Variants in NIBAN1 observed in about 807,000 individuals in gnomAD.
NIBAN1 encodes the protein protein Niban 1.
A neutral mutation model predicts 75.1 loss-of-function variants in NIBAN1; 81 were observed. The ratio of observed to expected loss-of-function variants is 1.08; its 90% CI spans 0.90 to 1.30. NIBAN1 has a LOEUF of 1.30. Ranked by LOEUF, NIBAN1 falls within the 50% of genes most tolerant of loss-of-function variation. The probability of loss-of-function intolerance (pLI) is 0.00; values close to 1 mark genes in which losing one functional copy is unlikely to be tolerated. For missense variants in NIBAN1, 1,133 were observed against 1,128.1 expected (o/e 1.00, Z -0.06); for synonymous variants, 436 against 424.8 (o/e 1.03, Z -0.32).
At chr1:184,959,235 G>A (rs373644725) in intron 1 of NIBAN1, among the ~76,000 whole-genome samples, 15 of 152,248 alleles carry the variant, frequency 9.9e-5, no homozygotes, top group South Asian at 6.2e-4. Context: ...AGGCTACTTC[G>A]TTCCTCTCCC....
chr1:184,799,448 G>A, intron 12 of NIBAN1, among the ~76,000 whole-genome samples: 2 of 149,774 alleles, frequency 1.3e-5, no homozygotes, highest in African/African-American at 4.9e-5. Context: ...ATCATTGTTG[G>A]ACATTTGGGT....
In NIBAN1 at chr1:184,890,236, G is replaced by C; in HGVS notation, c.319-14C>G. ...TCTCTGATAGGCCTGGGGAGGGAAA[G>C]GCACACAGGAATGATATCTTTTTCC... On this transcript the variant is annotated splice_polypyrimidine_tract_variant and intron_variant, in intron 3 of 13. Transcript: ENST00000367511. 18 of 1,571,758 alleles carry C rather than the reference G, an allele frequency of 1.1e-5. No homozygotes were observed. Among genetic ancestry groups the C allele is most frequent in the Non-Finnish European group, 1.6e-5 (18 of 1,141,690 alleles).
chr1:184,805,066 G>A (rs1157759464), intron 11 of NIBAN1, among the ~76,000 whole-genome samples: 1 of 152,210 alleles, frequency 6.6e-6, no homozygotes, highest in African/African-American at 2.4e-5. Flanking sequence ...GGGATTACAG[G>A]CGTGAGCCAC....
intron 4 of NIBAN1, among the ~76,000 whole-genome samples, chr1:184,889,727 CTG>C (rs1656616966): frequency 2.0e-5 from 3 of 152,146 alleles, no homozygotes; most frequent in Non-Finnish European, 2.9e-5. Context: ...CAGAGACTGA[CTG>C]TGTATTATTG....
rs188209077 is a variant in NIBAN1 at position 184,960,009 on chromosome 1, C to T, written c.55+14293G>A. ...AGATATTGAAATTTTTGGATTGACCCTTTAATTTTTTTTATATTGCCTCTT... is the reference window on the plus strand; with the variant it reads ...AGATATTGAAATTTTTGGATTGACCTTTTAATTTTTTTTATATTGCCTCTT... On this transcript the variant is annotated intron_variant, in intron 1 of 13. Transcript: ENST00000367511. Among the ~76,000 whole-genome samples, 530 of 152,178 alleles carry T rather than the reference C, an allele frequency of 3.5e-3. 6 individuals carry two copies. The highest frequency in any genetic ancestry group is 0.012 in the African/African-American group (503 of 41,524).
intron 1 of NIBAN1, among the ~76,000 whole-genome samples, chr1:184,924,082 A>G (rs1557916403): frequency 6.6e-6 from 1 of 150,974 alleles, no homozygotes; most frequent in Admixed American, 6.6e-5. Context: ...CTCTTGTCTG[A>G]TTGCTCTAGC....
rs1240048070 is a variant in NIBAN1 at position 184,889,507 on chromosome 1, G to C, written c.433+601C>G. On this transcript the variant is annotated intron_variant, in intron 4 of 13. Coordinates refer to ENST00000367511, the MANE Select transcript of NIBAN1 (RefSeq NM_052966.4). ...ATTAAAAGGTTTTTTGTCTATTTAG[G>C]GTATTTAGTTGCATATCATCCTAAA... is the stretch of plus-strand genomic sequence containing the variant. 3.3e-5 allele frequency among the ~76,000 whole-genome samples: 5 copies of C among 152,076 alleles called. No homozygotes were observed. The South Asian group carries it at 1.0e-3, about 32-fold the overall frequency.
At chr1:184,831,269 T>C (rs1461681945) in intron 6 of NIBAN1, among the ~76,000 whole-genome samples, 1 of 152,204 alleles carries the variant, frequency 6.6e-6, no homozygotes, top group African/African-American at 2.4e-5. Flanking sequence ...ATTAAATATA[T>C]AGAAAACTGT....
intron 1 of NIBAN1, among the ~76,000 whole-genome samples, chr1:184,902,399 G>A (rs534992114): frequency 5.3e-5 from 8 of 152,168 alleles, no homozygotes; most frequent in Admixed American, 4.6e-4. Context: ...GCCTCATAAG[G>A]TTATTCTAAT....
chr1:184,852,354 A>G (rs1391426848), intron 5 of NIBAN1, among the ~76,000 whole-genome samples: 1 of 152,204 alleles, frequency 6.6e-6, no homozygotes, highest in African/African-American at 2.4e-5. Context: ...GTCAGGGGAC[A>G]ACACAAGTGT....
At chr1:184,968,905 C>T (rs1390216938) in intron 1 of NIBAN1, among the ~76,000 whole-genome samples, 1 of 152,206 alleles carries the variant, frequency 6.6e-6, no homozygotes, top group Non-Finnish European at 1.5e-5. Context: ...TGTCCAGTTA[C>T]TCTGCCCTAC....
At position 184,795,407 on chromosome 1, in the gene NIBAN1, C is replaced by T. The variant is rs762481558; in HGVS notation, c.2357G>A (p.Gly786Glu). 6.2e-7 allele frequency: 1 copy of T among 1,606,632 alleles called. No homozygotes were observed. Among genetic ancestry groups the T allele is most frequent in the South Asian group, 1.1e-5 (1 of 89,932 alleles). ...PCPEAHGEEL[G>E]GFPEVGSPAS... is the part of the protein sequence containing the mutation. ...TGGGCTGCCTACCTCTGGAAATCCC[C>T]CCAACTCCTCCCCATGGGCCTCGGG... The change falls in exon 14 of 14, where the codon GGG (glycine) becomes GAG (glutamate). Residue 786 changes from glycine to glutamate, a missense_variant. Transcript: ENST00000367511.
At chr1:184,797,330 TG>T (rs1365410039) in intron 13 of NIBAN1, among the ~76,000 whole-genome samples, 1 of 151,928 alleles carries the variant, frequency 6.6e-6, no homozygotes, top group East Asian at 1.9e-4. Flanking sequence ...TTAGTAGAGA[TG>T]GAGTTTCACC....
In NIBAN1 at chr1:184,792,809, T is replaced by A. The variant is rs1653732968; in HGVS notation, c.*2168A>T. ...AGTGACTCAAGGAGGCAGGAAGCCA[T>A]TATTCAAGGCTGTGGGTTTCTAGCA... is the stretch of plus-strand genomic sequence containing the variant. On this transcript the variant is annotated 3_prime_UTR_variant, in exon 14 of 14. Transcript: ENST00000367511. The A allele has an allele frequency of 6.6e-6, 1 of 152,350 alleles. No homozygotes were observed. The highest frequency in any genetic ancestry group is 1.5e-5 in the Non-Finnish European group (1 of 68,042). The allele number at this position is 152,350 out of a possible 1,614,324, so 9.4% of individuals were successfully genotyped here. A position where few individuals can be genotyped will look rare whatever the true frequency, so the allele number is the denominator to read the frequency against.
intron 1 of NIBAN1, among the ~76,000 whole-genome samples, chr1:184,948,354 A>C (rs75212030): frequency 0.039 from 5,967 of 152,232 alleles, 378 homozygotes; most frequent in African/African-American, 0.13. Context: ...GAACACAAAA[A>C]GGGTAGGAAA....
At chr1:184,946,676 T>A (rs1658232346) in intron 1 of NIBAN1, among the ~76,000 whole-genome samples, 1 of 152,220 alleles carries the variant, frequency 6.6e-6, no homozygotes, top group South Asian at 2.1e-4. Context: ...ATATTTTCTT[T>A]TAAAAAGCAG....
At chr1:184,971,676 A>G (rs917316491) in intron 1 of NIBAN1, among the ~76,000 whole-genome samples, 4 of 152,288 alleles carry the variant, frequency 2.6e-5, no homozygotes, top group Admixed American at 2.6e-4. Context: ...CTCAAAAAAA[A>G]AGGATCATTT....
At chr1:184,949,160 T>C (rs982648038) in intron 1 of NIBAN1, among the ~76,000 whole-genome samples, 2 of 152,120 alleles carry the variant, frequency 1.3e-5, no homozygotes, top group African/African-American at 2.4e-5. Flanking sequence ...GAGACCATCC[T>C]GGCTAACACG....
intron 5 of NIBAN1, among the ~76,000 whole-genome samples, chr1:184,864,640 G>A (rs549262318): frequency 6.6e-5 from 10 of 152,044 alleles, no homozygotes; most frequent in Non-Finnish European, 1.0e-4. Context: ...AAAAAAATAC[G>A]TAAAATGAAA....
Sources: gnomAD v4.1 joint callset for allele counts (sites outside exome capture counted in the v4.1 genomes callset) on GRCh38, gnomAD v4.1.1 for gene constraint, MANE v1.5 for transcripts, NCBI Gene and HGNC (gene_info 2026-07-23, HGNC 2026-07-21) for gene names.